The following SLC4A4 variants were observed in gnomAD, a reference collection of about 807,000 sequenced individuals.
SLC4A4 encodes the protein electrogenic sodium bicarbonate cotransporter 1.
SLC4A4 carries 27 observed loss-of-function variants against 111.5 expected under a neutral mutation model. The ratio of observed to expected loss-of-function variants is 0.24; its 90% CI spans 0.18 to 0.33. The LOEUF is 0.33. Among genes scored for constraint, SLC4A4 ranks in the 10% least tolerant of loss-of-function variants. SLC4A4 has a pLI of 1.00. For synonymous variants in SLC4A4, 443 were observed against 463.4 expected, an observed-to-expected ratio of 0.96 and a Z score of 0.57; for missense variants, 909 against 1,315.5, an observed-to-expected ratio of 0.69 and a Z score of 4.78.
intron 1 of SLC4A4, among the ~76,000 whole-genome samples, chr4:71,208,968 AT>A (rs1383378476): frequency 1.3e-5 from 2 of 152,104 alleles, no homozygotes; most frequent in African/African-American, 4.8e-5. Flanking sequence ...CAGCTGGAAT[AT>A]TTGGTTATAG....
intron 2 of SLC4A4, among the ~76,000 whole-genome samples, chr4:71,160,925 G>A (rs1483630763): frequency 1.3e-5 from 2 of 152,168 alleles, no homozygotes; most frequent in African/African-American, 4.8e-5. Flanking sequence ...TCTACGTGTT[G>A]GAGAAGTAGG....
chr4:71,505,048 A>G (rs1210610127), intron 16 of SLC4A4, among the ~76,000 whole-genome samples: 3 of 152,188 alleles, frequency 2.0e-5, no homozygotes, highest in Non-Finnish European at 4.4e-5. Context: ...TGTCCCTGCA[A>G]AGGACATGAT....
chr4:71,145,751 T>C (rs1344843663), intron 2 of SLC4A4, among the ~76,000 whole-genome samples: 1 of 152,244 alleles, frequency 6.6e-6, no homozygotes, highest in Non-Finnish European at 1.5e-5. Flanking sequence ...GTTTATAGTA[T>C]TCTCTGATGG....
At chr4:71,119,719 C>T (rs996974392) in intron 2 of SLC4A4, among the ~76,000 whole-genome samples, 1 of 152,176 alleles carries the variant, frequency 6.6e-6, no homozygotes, top group Non-Finnish European at 1.5e-5. Context: ...GCTGTTACTT[C>T]GATATTGCTT....
At chr4:71,489,152 T>C (rs1272643554) in intron 15 of SLC4A4, among the ~76,000 whole-genome samples, 1 of 151,754 alleles carries the variant, frequency 6.6e-6, no homozygotes, top group East Asian at 1.9e-4. Context: ...ACAATCACTT[T>C]ATGAGTTATT....
intron 1 of SLC4A4, among the ~76,000 whole-genome samples, chr4:71,212,080 A>G (rs967769634): frequency 6.6e-6 from 1 of 152,204 alleles, no homozygotes; most frequent in Admixed American, 6.5e-5. Context: ...AAGAAAATCT[A>G]ACCTTCCAGC....
chr4:71,120,224 C>T (rs933507437), intron 2 of SLC4A4, among the ~76,000 whole-genome samples: 1 of 152,018 alleles, frequency 6.6e-6, no homozygotes, highest in African/African-American at 2.4e-5. Context: ...ATTAAGGTGC[C>T]GCCTCTAGAG....
chr4:71,087,241 C>T (rs1157513923), intron 1 of SLC4A4, among the ~76,000 whole-genome samples: 2 of 151,832 alleles, frequency 1.3e-5, no homozygotes, highest in African/African-American at 4.9e-5. Flanking sequence ...TCTGTGGGAT[C>T]AGTGGTGATA....
chr4:71,224,749 G>T (rs753701322), intron 1 of SLC4A4, among the ~76,000 whole-genome samples: 3 of 152,120 alleles, frequency 2.0e-5, no homozygotes, highest in African/African-American at 7.2e-5. Context: ...ATTATAAGAA[G>T]GCATATATGT....
At chr4:71,254,718 A>G (rs1721315861) in intron 2 of SLC4A4, among the ~76,000 whole-genome samples, 1 of 152,076 alleles carries the variant, frequency 6.6e-6, no homozygotes, top group Non-Finnish European at 1.5e-5. Context: ...ACTTTGATAA[A>G]TCTTTATTTT....
chr4:71,547,932 G>C (rs1216630225), intron 20 of SLC4A4, among the ~76,000 whole-genome samples: 1 of 151,800 alleles, frequency 6.6e-6, no homozygotes, highest in Admixed American at 6.6e-5. Context: ...TAGTTTTGCA[G>C]TTATTTGATT....
intron 3 of SLC4A4, among the ~76,000 whole-genome samples, chr4:71,275,318 A>G (rs1722991493): frequency 6.6e-6 from 1 of 152,198 alleles, no homozygotes; most frequent in Non-Finnish European, 1.5e-5. Context: ...CAAAAGAACA[A>G]CTTTGTCTTG....
chr4:71,435,773 A>G (rs1462304840), intron 7 of SLC4A4, among the ~76,000 whole-genome samples: 2 of 152,262 alleles, frequency 1.3e-5, no homozygotes, highest in South Asian at 2.1e-4. Flanking sequence ...ACTTTTCAAA[A>G]GAAGACATTT....
At chr4:71,437,015 C>T (rs1490843097) in intron 7 of SLC4A4, 18 of 366,482 alleles carry the variant, frequency 4.9e-5, no homozygotes, top group South Asian at 2.8e-4. Context: ...AAATCAGCTA[C>T]AGATAGGCCA....
chr4:71,508,379 C>T (rs1560572313), intron 16 of SLC4A4, among the ~76,000 whole-genome samples: 1 of 152,010 alleles, frequency 6.6e-6, no homozygotes. Context: ...CTCAAATAAA[C>T]ACAAGCAGAA....
In SLC4A4 at chr4:71,348,351, A is replaced by G. The variant is rs2148900425; in HGVS notation, c.390-1561A>G. 2.2e-5 allele frequency among the ~76,000 whole-genome samples: 3 copies of G among 134,012 alleles called. No individual in the cohort carries two copies. The East Asian group carries it at 6.5e-4, about 29-fold the overall frequency. 87.9% of individuals were successfully genotyped at this position (134,012 alleles called of 152,430 possible). Reference sequence around the variant, plus strand: ...CACACACACACACACACACACACACACACTAGAAGTCTTTCATTCTGTTTT... The same window carrying G: ...CACACACACACACACACACACACACGCACTAGAAGTCTTTCATTCTGTTTT... On this transcript the variant is annotated intron_variant, in intron 4 of 25. Coordinates refer to ENST00000264485, the MANE Select transcript of SLC4A4 (RefSeq NM_001098484.3).
intron 7 of SLC4A4, among the ~76,000 whole-genome samples, chr4:71,428,515 G>T (rs1183297416): frequency 2.0e-5 from 3 of 152,012 alleles, no homozygotes; most frequent in South Asian, 2.1e-4. Flanking sequence ...GATACCTTCT[G>T]CAATGGAAGG....
At chr4:71,071,231 C>G (rs2148930197) in intron 1 of SLC4A4, among the ~76,000 whole-genome samples, 1 of 149,666 alleles carries the variant, frequency 6.7e-6, no homozygotes, top group Non-Finnish European at 1.5e-5. Context: ...GATCACACCA[C>G]TGCTCTCCAG....
intron 3 of SLC4A4, among the ~76,000 whole-genome samples, chr4:71,310,746 C>G (rs1726077682): frequency 6.6e-6 from 1 of 152,090 alleles, no homozygotes; most frequent in Non-Finnish European, 1.5e-5. Context: ...ATATAGAGAC[C>G]AGGGACACTA....
Sources: allele counts gnomAD v4.1 joint callset (sites outside exome capture counted in the v4.1 genomes callset), GRCh38; gene constraint gnomAD v4.1.1; transcripts MANE v1.5; gene names NCBI Gene and HGNC (gene_info 2026-07-23, HGNC 2026-07-21).